Variants in KLHL1 observed in about 807,000 individuals in gnomAD.
The protein encoded by KLHL1 is kelch-like protein 1.
A neutral mutation model predicts 77.7 loss-of-function variants in KLHL1; 47 were observed. That is an observed-to-expected ratio of 0.60 (90% CI 0.48 to 0.77). The LOEUF (loss-of-function observed/expected upper bound fraction) is 0.77, where lower values mean the gene tolerates loss of function less well. Among genes scored for constraint, KLHL1 ranks in the 30% least tolerant of loss-of-function variants. The pLI is 0.00. For synonymous variants in KLHL1, 360 were observed against 325.2 expected (o/e 1.11, Z -1.15); for missense variants, 925 against 910.8 (o/e 1.02, Z -0.20).
intron 8 of KLHL1, among the ~76,000 whole-genome samples, chr13:69,726,224 C>T (rs1188954701): frequency 1.3e-5 from 2 of 151,946 alleles, no homozygotes; most frequent in Admixed American, 1.3e-4. Flanking sequence ...ATTTGGTTAC[C>T]CAGAAAAAGT....
intron 1 of KLHL1, among the ~76,000 whole-genome samples, chr13:70,095,567 G>C (rs1453032846): frequency 6.6e-6 from 1 of 152,034 alleles, no homozygotes; most frequent in Admixed American, 6.6e-5. Context: ...CATGACAGTT[G>C]TACATATTTA....
chr13:69,889,495 T>C (rs1452446268), intron 4 of KLHL1, among the ~76,000 whole-genome samples: 1 of 152,026 alleles, frequency 6.6e-6, no homozygotes, highest in African/African-American at 2.4e-5. Flanking sequence ...TATCTATTAT[T>C]TGATTAATTT....
chr13:69,899,711 G>A (rs1881789652), intron 4 of KLHL1, among the ~76,000 whole-genome samples: 1 of 152,060 alleles, frequency 6.6e-6, no homozygotes, highest in Admixed American at 6.5e-5. Context: ...TGCCGGAAAG[G>A]AACAATAGAG....
intron 7 of KLHL1, among the ~76,000 whole-genome samples, chr13:69,788,341 A>G (rs1383222464): frequency 5.9e-5 from 9 of 152,310 alleles, no homozygotes; most frequent in African/African-American, 2.2e-4. Context: ...ATAAAAAATA[A>G]AGAGTTCACG....
intron 4 of KLHL1, among the ~76,000 whole-genome samples, chr13:69,898,231 TC>T (rs769876108): frequency 7.9e-5 from 12 of 152,182 alleles, no homozygotes; most frequent in Non-Finnish European, 1.5e-4. Flanking sequence ...TGCTATTCCT[TC>T]CTGCCCTCCC....
At chr13:69,956,698 C>A (rs1460063340) in intron 3 of KLHL1, among the ~76,000 whole-genome samples, 1 of 151,470 alleles carries the variant, frequency 6.6e-6, no homozygotes, top group Non-Finnish European at 1.5e-5. Context: ...GTTACTTTTA[C>A]CTCATTGATT....
intron 4 of KLHL1, among the ~76,000 whole-genome samples, chr13:69,924,270 G>T (rs1446679731): frequency 1.3e-5 from 2 of 152,200 alleles, no homozygotes; most frequent in Non-Finnish European, 2.9e-5. Flanking sequence ...AGCCAGGGAT[G>T]CACTGAAGCC....
intron 1 of KLHL1, among the ~76,000 whole-genome samples, chr13:70,001,688 TC>T (rs1885295514): frequency 6.6e-6 from 1 of 150,782 alleles, no homozygotes; most frequent in Non-Finnish European, 1.5e-5. Flanking sequence ...TATCTATCTA[TC>T]TATCTATCAT....
intron 1 of KLHL1, among the ~76,000 whole-genome samples, chr13:70,010,755 G>T (rs1209959323): frequency 2.0e-5 from 3 of 151,846 alleles, no homozygotes; most frequent in African/African-American, 7.3e-5. Context: ...AGCTGGGTGT[G>T]GTGGTGGGTG....
chr13:69,800,681 C>T (rs1380600108), intron 6 of KLHL1, among the ~76,000 whole-genome samples: 2 of 151,970 alleles, frequency 1.3e-5, no homozygotes, highest in Admixed American at 6.6e-5. Flanking sequence ...ATCTAAGCCA[C>T]CTCATTCTAT....
chr13:70,000,931 A>AC (rs983948630), intron 1 of KLHL1, among the ~76,000 whole-genome samples: 16 of 150,368 alleles, frequency 1.1e-4, no homozygotes, highest in African/African-American at 3.6e-4. Context: ...CTTACAGAAA[A>AC]AAAAACAAAA....
At chr13:69,995,190 C>G (rs1490940760) in intron 1 of KLHL1, among the ~76,000 whole-genome samples, 1 of 152,046 alleles carries the variant, frequency 6.6e-6, no homozygotes, top group Non-Finnish European at 1.5e-5. Context: ...ATATACCCCA[C>G]ACTCCCAAGG....
chr13:70,047,507 A>C, intron 1 of KLHL1, among the ~76,000 whole-genome samples: 1 of 152,034 alleles, frequency 6.6e-6, no homozygotes, highest in East Asian at 1.9e-4. Flanking sequence ...GAGACACATT[A>C]CTTACCCCAC....
Position 69,955,912 on chromosome 13 carries a change from GATAT to G in KLHL1, c.817+5392_817+5395del, listed in dbSNP as rs559417793. 7.1e-3 allele frequency among the ~76,000 whole-genome samples: 883 copies of G among 123,630 alleles called. 10 individuals carry two copies. The highest frequency in any genetic ancestry group is 0.024 in the African/African-American group (836 of 34,204). 81.1% of individuals were successfully genotyped at this position (123,630 alleles called of 152,430 possible). On this transcript the variant is annotated intron_variant, in intron 3 of 10. Transcript: ENST00000377844. The stretch of plus-strand genomic sequence containing the variant: ...ATATTTGATATATTTATATATATTT[GATAT>G]ATATATTTATATATATTTGATATAT...
chr13:69,796,356 C>T (rs139010546), intron 7 of KLHL1, among the ~76,000 whole-genome samples: 6 of 152,152 alleles, frequency 3.9e-5, no homozygotes, highest in East Asian at 3.9e-4. Context: ...ATCATGGGAG[C>T]GGATCCCTCA....
At chr13:69,814,233 C>A (rs923627844) in intron 6 of KLHL1, among the ~76,000 whole-genome samples, 1 of 152,122 alleles carries the variant, frequency 6.6e-6, no homozygotes. Context: ...TCCACACATA[C>A]AAAAATTAAC....
At chr13:69,741,165 CAATTA>C (rs777973916) in intron 7 of KLHL1, among the ~76,000 whole-genome samples, 2 of 152,022 alleles carry the variant, frequency 1.3e-5, no homozygotes, top group Non-Finnish European at 2.9e-5. Context: ...TAAACACAAG[CAATTA>C]AATACAATTA....
chr13:69,919,861 C>T (rs1226822845), intron 4 of KLHL1, among the ~76,000 whole-genome samples: 1 of 152,042 alleles, frequency 6.6e-6, no homozygotes, highest in Non-Finnish European at 1.5e-5. Context: ...CTGACTATTC[C>T]ATTATTCTAA....
At chr13:69,934,415 T>C (rs1489508407) in intron 4 of KLHL1, among the ~76,000 whole-genome samples, 1 of 152,112 alleles carries the variant, frequency 6.6e-6, no homozygotes, top group Non-Finnish European at 1.5e-5. Context: ...CATACATATA[T>C]AGGCATATGT....
Sources: gnomAD v4.1 joint callset for allele counts (sites outside exome capture counted in the v4.1 genomes callset) on GRCh38, gnomAD v4.1.1 for gene constraint, MANE v1.5 for transcripts, NCBI Gene and HGNC (gene_info 2026-07-23, HGNC 2026-07-21) for gene names.